Variants in CADM3 observed in about 807,000 individuals in gnomAD.
The protein encoded by CADM3 is TSLC1-like 1.
A neutral mutation model predicts 44.9 loss-of-function variants in CADM3; 11 were observed. The ratio of observed to expected loss-of-function variants is 0.25; its 90% CI spans 0.15 to 0.41. The LOEUF is 0.41. Ranked by LOEUF, CADM3 falls within the 10% of genes least tolerant of loss-of-function variation. CADM3 has a pLI of 1.00. For synonymous variants in CADM3, 207 were observed against 205.2 expected (o/e 1.01, Z -0.08); for missense variants, 426 against 512.0 (o/e 0.83, Z 1.62).
chr1:159,190,472 C>CCATTGCCT (rs1649609330), intron 1 of CADM3, among the ~76,000 whole-genome samples: 1 of 152,332 alleles, frequency 6.6e-6, no homozygotes, highest in African/African-American at 2.4e-5. Flanking sequence ...CATTGCATCT[C>CCATTGCCT]CATTGCCTCA....
intron 1 of CADM3, among the ~76,000 whole-genome samples, chr1:159,191,487 G>A (rs916235926): frequency 6.6e-6 from 1 of 152,178 alleles, no homozygotes; most frequent in Non-Finnish European, 1.5e-5. Context: ...TTTAGTTTTA[G>A]GATTATTAGT....
In CADM3 at chr1:159,201,135, C is replaced by T; in HGVS notation, c.*213C>T. ...AGGGCGGGGGGAGGGGAGGGTTGCC[C>T]TCAGCCCTTTCCGTGGCTTCTCTGC... On this transcript the variant is annotated 3_prime_UTR_variant, in exon 9 of 9. Transcript: ENST00000368125. The T allele has an allele frequency of 6.4e-6, 2 of 311,186 alleles. No homozygotes were observed. The highest frequency in any genetic ancestry group is 1.2e-5 in the Non-Finnish European group (2 of 168,144). 19.3% of individuals were successfully genotyped at this position (311,186 alleles called of 1,614,324 possible).
At chr1:159,172,880 A>T (rs549352809) in intron 1 of CADM3, among the ~76,000 whole-genome samples, 1 of 152,192 alleles carries the variant, frequency 6.6e-6, no homozygotes, top group African/African-American at 2.4e-5. Context: ...AAGGCTACTA[A>T]CGGTTAGTGG....
intron 1 of CADM3, among the ~76,000 whole-genome samples, chr1:159,181,064 T>G (rs1238697648): frequency 6.6e-6 from 1 of 152,180 alleles, no homozygotes. Flanking sequence ...TACTTCTGAT[T>G]TTCTGGGATT....
At chr1:159,180,589 T>C (rs1489496776) in intron 1 of CADM3, among the ~76,000 whole-genome samples, 1 of 152,066 alleles carries the variant, frequency 6.6e-6, no homozygotes, top group Non-Finnish European at 1.5e-5. Flanking sequence ...ATTTTTTTTT[T>C]TTTAAGTGAG....
At chr1:159,189,913 C>T (rs1571017104) in intron 1 of CADM3, 2 of 1,310,104 alleles carry the variant, frequency 1.5e-6, no homozygotes, top group Middle Eastern at 1.8e-4. Flanking sequence ...CCCTCAGTTC[C>T]CTCACTCATC....
At chr1:159,184,452 C>T (rs1164252302) in intron 1 of CADM3, among the ~76,000 whole-genome samples, 2 of 152,116 alleles carry the variant, frequency 1.3e-5, no homozygotes, top group Non-Finnish European at 2.9e-5. Context: ...ATCATCATCA[C>T]CATCATCATC....
chr1:159,189,157 G>A (rs1297153656), intron 1 of CADM3, among the ~76,000 whole-genome samples: 1 of 152,132 alleles, frequency 6.6e-6, no homozygotes, highest in Non-Finnish European at 1.5e-5. Flanking sequence ...ATAGAGCTTT[G>A]TATTTAAAAT....
intron 1 of CADM3, among the ~76,000 whole-genome samples, chr1:159,179,913 T>C (rs374573266): frequency 6.9e-6 from 1 of 145,818 alleles, no homozygotes; most frequent in South Asian, 2.1e-4. Flanking sequence ...ATATTATATG[T>C]TTCTTCCCAT....
chr1:159,176,791 T>C (rs889498360), intron 1 of CADM3, among the ~76,000 whole-genome samples: 1 of 152,178 alleles, frequency 6.6e-6, no homozygotes, highest in Non-Finnish European at 1.5e-5. Flanking sequence ...GAAGTAAAGG[T>C]ACATATTCTT....
intron 1 of CADM3, among the ~76,000 whole-genome samples, chr1:159,180,899 A>T (rs1557930745): frequency 6.6e-6 from 1 of 152,230 alleles, no homozygotes; most frequent in Non-Finnish European, 1.5e-5. Flanking sequence ...AAAGTGCAAC[A>T]TAAGGAGCAT....
chr1:159,183,726 A>G (rs1649320929), intron 1 of CADM3, among the ~76,000 whole-genome samples: 1 of 152,110 alleles, frequency 6.6e-6, no homozygotes, highest in African/African-American at 2.4e-5. Context: ...AATAACTCCC[A>G]CCCCGTATGG....
chr1:159,188,502 C>A (rs927284770), intron 1 of CADM3, among the ~76,000 whole-genome samples: 2 of 152,138 alleles, frequency 1.3e-5, no homozygotes, highest in African/African-American at 4.8e-5. Context: ...TCTCCTCCCC[C>A]ACCTGCCTCT....
intron 1 of CADM3, among the ~76,000 whole-genome samples, chr1:159,176,089 T>C (rs1275351454): frequency 6.6e-6 from 1 of 152,208 alleles, no homozygotes; most frequent in Non-Finnish European, 1.5e-5. Context: ...TGGAACTGCA[T>C]ACTGGCTCAA....
chr1:159,187,076 A>T (rs1255730418), intron 1 of CADM3, among the ~76,000 whole-genome samples: 3 of 152,242 alleles, frequency 2.0e-5, no homozygotes, highest in Non-Finnish European at 4.4e-5. Context: ...AATATGAGCA[A>T]GGAGAAAAGC....
chr1:159,202,105 GCA>G lies in CADM3; in HGVS notation c.*1184_*1185del. The G allele has an allele frequency of 6.5e-6, 1 of 152,720 alleles. No individual in the cohort carries two copies. Among genetic ancestry groups the G allele is most frequent in the Non-Finnish European group, 1.5e-5 (1 of 68,916 alleles). The allele number at this position is 152,720 out of a possible 1,614,324, so 9.5% of individuals were successfully genotyped here. On this transcript the variant is annotated 3_prime_UTR_variant, in exon 9 of 9. Coordinates refer to ENST00000368125, the MANE Select transcript of CADM3 (RefSeq NM_001127173.3). ...TGTGTGCATGTGTGTGTGTGTGTGTGCATGTGTGTGAGTGAGTGAGAGGCAGA... is the reference window on the plus strand; with the variant it reads ...TGTGTGCATGTGTGTGTGTGTGTGTGTGTGTGTGAGTGAGTGAGAGGCAGA...
At chr1:159,191,226 T>A (rs567245102) in intron 1 of CADM3, among the ~76,000 whole-genome samples, 1 of 152,358 alleles carries the variant, frequency 6.6e-6, no homozygotes, top group African/African-American at 2.4e-5. Flanking sequence ...AGAGAAAACC[T>A]TAATCCTTCC....
At chr1:159,188,787 GCAGA>G (rs1649528828) in intron 1 of CADM3, among the ~76,000 whole-genome samples, 1 of 152,312 alleles carries the variant, frequency 6.6e-6, no homozygotes, top group Admixed American at 6.5e-5. Flanking sequence ...AAAGGAATAG[GCAGA>G]CAGGTAGGGG....
intron 1 of CADM3, chr1:159,189,648 A>G: frequency 1.4e-6 from 1 of 697,502 alleles, no homozygotes; most frequent in East Asian, 2.9e-5. Flanking sequence ...TCTCTTAGGT[A>G]TCCTGGTGAA....
Sources: gnomAD v4.1 joint callset for allele counts (sites outside exome capture counted in the v4.1 genomes callset) on GRCh38, gnomAD v4.1.1 for gene constraint, MANE v1.5 for transcripts, NCBI Gene and HGNC (gene_info 2026-07-23, HGNC 2026-07-21) for gene names.